Variants in CLCN1 observed in about 807,000 individuals in gnomAD.
The protein encoded by CLCN1 is chloride voltage-gated channel 1.
Under a neutral mutation model 114.5 loss-of-function variants are expected in CLCN1, and 100 were observed. The ratio of observed to expected loss-of-function variants is 0.87; its 90% CI spans 0.74 to 1.03. The LOEUF (loss-of-function observed/expected upper bound fraction) is 1.03, where lower values mean the gene tolerates loss of function less well. Ranked by LOEUF, CLCN1 falls within the 50% of genes least tolerant of loss-of-function variation. The pLI is 0.00. For missense variants in CLCN1, 1,188 were observed against 1,250.0 expected, an observed-to-expected ratio of 0.95 and a Z score of 0.75; for synonymous variants, 485 against 487.1, an observed-to-expected ratio of 1.00 and a Z score of 0.06.
chr7:143,336,704 G>A (rs1164221863), intron 12 of CLCN1, among the ~76,000 whole-genome samples: 1 of 151,284 alleles, frequency 6.6e-6, no homozygotes, highest in Non-Finnish European at 1.5e-5. Flanking sequence ...GGAGTTATTT[G>A]TGTTTCACAT....
intron 16 of CLCN1, among the ~76,000 whole-genome samples, chr7:143,345,279 A>G (rs565506234): frequency 6.6e-6 from 1 of 152,210 alleles, no homozygotes; most frequent in Non-Finnish European, 1.5e-5. Context: ...TCATCAAAAT[A>G]AGTACAAATT....
At chr7:143,346,470 G>T (rs941486267) in intron 18 of CLCN1, 109 bp from the exon 19 acceptor site, 3 of 856,628 alleles carry the variant, frequency 3.5e-6, no homozygotes, top group Admixed American at 1.8e-5. Context: ...AGAGGGTGAG[G>T]TACCTGGGAA....
chr7:143,327,570 T>C (rs1802608769), intron 7 of CLCN1, among the ~76,000 whole-genome samples: 1 of 152,164 alleles, frequency 6.6e-6, no homozygotes. Context: ...GTCCTGATGC[T>C]AGGTAGTAAG....
Position 143,342,735 on chromosome 7 carries a change from G to A in CLCN1, c.1930+230G>A, listed in dbSNP as rs1335929685. Among the ~76,000 whole-genome samples, 10 of 152,076 alleles carry A rather than the reference G, an allele frequency of 6.6e-5. No homozygotes were observed. In the South Asian group the frequency reaches 8.3e-4, roughly 13 times the overall value. On this transcript the variant is annotated intron_variant, in intron 16 of 22. Transcript: ENST00000343257. ...TGTAATCCCAGCACTTTGGGAGGCCGAGGTGGGCAGATCACCTGAGGTCAG... is the reference window on the plus strand; with the variant it reads ...TGTAATCCCAGCACTTTGGGAGGCCAAGGTGGGCAGATCACCTGAGGTCAG...
intron 7 of CLCN1, among the ~76,000 whole-genome samples, chr7:143,330,241 TTTTGTTCTGTCTTCC>T (rs1802687042): frequency 6.6e-6 from 1 of 152,152 alleles, no homozygotes; most frequent in Non-Finnish European, 1.5e-5. Flanking sequence ...CCCCTCCTAT[TTTTGTTCTGTCTTCC>T]TTATAAGGTT....
At chr7:143,331,693 T>C (rs1413443257) in intron 10 of CLCN1, 41 bp downstream of exon 10, 1 of 1,411,942 alleles carries the variant, frequency 7.1e-7, no homozygotes, top group East Asian at 2.3e-5. Context: ...ATTTACTTTC[T>C]GGTTTCTCCA....
chr7:143,323,416 G>A, intron 6 of CLCN1, 30 bp downstream of exon 6: 1 of 1,508,192 alleles, frequency 6.6e-7, no homozygotes, highest in Non-Finnish European at 9.2e-7. Flanking sequence ...ATGAGCTGGG[G>A]CCAGGTGGTA....
At position 143,321,448 on chromosome 7, in the gene CLCN1, C is replaced by T. The variant is rs1554434802; in HGVS notation, c.517C>T (p.Leu173Phe). 19 of 1,614,212 alleles carry T rather than the reference C, an allele frequency of 1.2e-5. No homozygotes were observed. The highest frequency in any genetic ancestry group is 3.3e-5 in the South Asian group (3 of 91,086). ...VWVTFPLVLILFSALFCHLIS... is the reference protein window; with the variant it reads ...VWVTFPLVLIFFSALFCHLIS... ...GGTCACCTTCCCACTAGTCCTCATC[C>T]TCTTCAGCGCCCTCTTCTGCCACCT... Residue 173 changes from leucine (L) to phenylalanine (F), a missense_variant, in exon 4 of 23, where the codon CTC becomes TTC. Transcript: ENST00000343257. This position sits in a 1 kb window ranked among gnomAD's most constrained non-coding sequence, Gnocchi z 4.2.
chr7:143,326,092 C>G (rs2116845103), intron 7 of CLCN1, among the ~76,000 whole-genome samples: 1 of 152,196 alleles, frequency 6.6e-6, no homozygotes, highest in African/African-American at 2.4e-5. Context: ...TCTTGGCTCA[C>G]TGCAACCTCT....
At position 143,350,332 on chromosome 7, in the gene CLCN1, G is replaced by A. The variant is rs1803357703; in HGVS notation, c.2404-40G>A. Reference sequence around the variant, plus strand: ...AAATCAGGTATCTGGGGTGAAAGGAGGCTCTGTGATTTTCGTGACTTTCCT... The same window carrying A: ...AAATCAGGTATCTGGGGTGAAAGGAAGCTCTGTGATTTTCGTGACTTTCCT... On this transcript the variant is annotated intron_variant, in intron 20 of 22. Coordinates refer to ENST00000343257, the MANE Select transcript of CLCN1 (RefSeq NM_000083.3). This position sits in a 1 kb window ranked among gnomAD's most constrained non-coding sequence, Gnocchi z 5.1. The A allele has an allele frequency of 6.5e-7, 1 of 1,534,010 alleles. No individual in the cohort carries two copies. Among genetic ancestry groups the A allele is most frequent in the Non-Finnish European group, 9.0e-7 (1 of 1,110,310 alleles).
chr7:143,346,568 T>G lies in CLCN1; in HGVS notation c.2285-11T>G. 1.3e-6 allele frequency: 2 copies of G among 1,573,472 alleles called. No homozygotes were observed. The highest frequency in any genetic ancestry group is 3.4e-4 in the Middle Eastern group (2 of 5,892). On this transcript the variant is annotated splice_polypyrimidine_tract_variant and intron_variant, in intron 18 of 22. Transcript: ENST00000343257. Reference sequence around the variant, plus strand: ...TTGTGTCCATTTCCATCCACTCACCTGTCCTCTCAGGTCAAAGACCCTCCA... The same window carrying G: ...TTGTGTCCATTTCCATCCACTCACCGGTCCTCTCAGGTCAAAGACCCTCCA...
chr7:143,328,277 C>T (rs905255779), intron 7 of CLCN1, among the ~76,000 whole-genome samples: 2 of 151,862 alleles, frequency 1.3e-5, no homozygotes, highest in African/African-American at 2.4e-5. Context: ...GAAAGTGTGT[C>T]TATGAGTAGG....
chr7:143,338,089 C>T (rs1212355947), intron 12 of CLCN1, among the ~76,000 whole-genome samples: 1 of 151,948 alleles, frequency 6.6e-6, no homozygotes, highest in Non-Finnish European at 1.5e-5. Context: ...CGTGATCTGC[C>T]CACCTCTGCC....
chr7:143,327,071 C>T (rs1168300102), intron 7 of CLCN1, among the ~76,000 whole-genome samples: 1 of 151,918 alleles, frequency 6.6e-6, no homozygotes, highest in Non-Finnish European at 1.5e-5. Flanking sequence ...TATGGTGAAA[C>T]CCCATCTCTA....
Position 143,321,763 on chromosome 7 carries a change from A to T in CLCN1, c.611A>T (p.Lys204Met), listed in dbSNP as rs1802443577. The change falls in exon 5 of 23, where the codon AAG becomes ATG. Residue 204 changes from lysine to methionine, a missense_variant. Coordinates refer to ENST00000343257, the MANE Select transcript of CLCN1 (RefSeq NM_000083.3). This position sits in a 1 kb window ranked among gnomAD's most constrained non-coding sequence, Gnocchi z 4.2. ...MKTILRGVVLKEYLTMKAFVA... is the reference protein window; with the variant it reads ...MKTILRGVVLMEYLTMKAFVA... ...ACAATACTTCGTGGGGTTGTCCTGA[A>T]GGAATACCTCACAATGAAAGCCTTT... The T allele has an allele frequency of 6.2e-7, 1 of 1,614,124 alleles. No homozygotes were observed. Among genetic ancestry groups the T allele is most frequent in the Admixed American group, 1.7e-5 (1 of 60,010 alleles).
In CLCN1 at chr7:143,346,210, T is replaced by G. The variant is rs768009397; in HGVS notation, c.2243T>G (p.Leu748Arg). Residue 748 changes from leucine (L) to arginine (R), a missense_variant, in exon 18 of 23, where the codon CTG becomes CGG. Coordinates refer to ENST00000343257, the MANE Select transcript of CLCN1 (RefSeq NM_000083.3). ...TCCCCAGAAGAGCCCAATGGGCCTC[T>G]GCCTGGCCACAAACAGCAGCCGGAA... ...PLSPEEPNGP[L>R]PGHKQQPEAP... is the part of the protein sequence containing the mutation. The G allele has an allele frequency of 1.9e-6, 3 of 1,613,804 alleles. No homozygotes were observed. In the Admixed American group the frequency reaches 5.0e-5, roughly 27 times the overall value.
Position 143,350,251 on chromosome 7 carries a change from C to A in CLCN1, c.2404-121C>A. On this transcript the variant is annotated intron_variant, in intron 20 of 22. Coordinates refer to ENST00000343257, the MANE Select transcript of CLCN1 (RefSeq NM_000083.3). The surrounding 1 kb of genome is among the most constrained non-coding windows in gnomAD (Gnocchi z 5.1). The stretch of plus-strand genomic sequence containing the variant: ...TCCTCTGATCTGGGGGATCTATGAT[C>A]AGTTCTTGCATGTTCCCAGATTCTG... 1.3e-6 allele frequency: 1 copy of A among 748,842 alleles called. No homozygotes were observed. Among genetic ancestry groups the A allele is most frequent in the African/African-American group, 1.7e-5 (1 of 57,868 alleles). 46.4% of individuals were successfully genotyped at this position (748,842 alleles called of 1,614,324 possible).
chr7:143,341,755 A>G (rs1267230656), intron 14 of CLCN1, among the ~76,000 whole-genome samples, 174 bp from the exon 15 acceptor site: 1 of 152,138 alleles, frequency 6.6e-6, no homozygotes, highest in Non-Finnish European at 1.5e-5. Context: ...GATCAAAATG[A>G]TGATTTTTCT....
chr7:143,333,461 G>A (rs1372981119), intron 12 of CLCN1, among the ~76,000 whole-genome samples: 1 of 152,130 alleles, frequency 6.6e-6, no homozygotes, highest in Non-Finnish European at 1.5e-5. Context: ...CAGTAGCCAA[G>A]TAAAAAAGTA....
Sources: allele counts gnomAD v4.1 joint callset (sites outside exome capture counted in the v4.1 genomes callset), GRCh38; gene constraint gnomAD v4.1.1; non-coding constraint Gnocchi (gnomAD v3.1); transcripts MANE v1.5; gene names NCBI Gene and HGNC (gene_info 2026-07-23, HGNC 2026-07-21).